VTI1A: variants seen among roughly 807,000 people sequenced by gnomAD.
VTI1A encodes vesicle transport through interaction with t-SNAREs 1A.
A neutral mutation model predicts 34.9 loss-of-function variants in VTI1A; 22 were observed. The observed-to-expected ratio is 0.63, with a 90% confidence interval of 0.45 to 0.90. The LOEUF (loss-of-function observed/expected upper bound fraction) is 0.90. VTI1A is among the 40% of genes least tolerant of loss of function. VTI1A has a pLI of 0.00. For synonymous variants in VTI1A, 87 were observed against 97.3 expected, an observed-to-expected ratio of 0.89 and a Z score of 0.62; for missense variants, 268 against 275.6, an observed-to-expected ratio of 0.97 and a Z score of 0.20.
the VTI1A span, among the ~76,000 whole-genome samples, chr10:112,830,849 A>ATATATATATATATTT: frequency 2.4e-4 from 8 of 33,492 alleles, no homozygotes; most frequent in Admixed American, 1.4e-3. Flanking sequence ...ATATATATAT[A>ATATATATATATATTT]TTTTTTTTTT....
At chr10:112,838,736 C>T in the VTI1A span, among the ~76,000 whole-genome samples, 1 of 152,218 alleles carries the variant, frequency 6.6e-6, no homozygotes, top group Non-Finnish European at 1.5e-5. Context: ...GGGCAGCTCA[C>T]TGCGCTTCCA....
At chr10:112,670,341 A>C (rs1316686301) in intron 7 of VTI1A, among the ~76,000 whole-genome samples, 1 of 152,142 alleles carries the variant, frequency 6.6e-6, no homozygotes, top group Non-Finnish European at 1.5e-5. Flanking sequence ...GTGTAAAAAA[A>C]ATGATGTGGT....
At chr10:112,737,984 G>A in intron 7 of VTI1A, 1 of 736,940 alleles carries the variant, frequency 1.4e-6, no homozygotes. Flanking sequence ...GTCCTCCGAT[G>A]TCCAGAGATC....
chr10:112,616,439 A>G (rs1845516236), intron 5 of VTI1A, among the ~76,000 whole-genome samples: 2 of 152,202 alleles, frequency 1.3e-5, no homozygotes, highest in African/African-American at 2.4e-5. Flanking sequence ...GCTTCCAGAA[A>G]AAAATAAACA....
At chr10:112,778,872 T>G (rs1473678451) in intron 7 of VTI1A, among the ~76,000 whole-genome samples, 1 of 152,150 alleles carries the variant, frequency 6.6e-6, no homozygotes, top group Non-Finnish European at 1.5e-5. Context: ...AAGAAGTTTT[T>G]GACATATCAA....
chr10:112,615,788 T>A (rs1468603061), intron 5 of VTI1A, among the ~76,000 whole-genome samples: 2 of 152,022 alleles, frequency 1.3e-5, no homozygotes, highest in Non-Finnish European at 2.9e-5. Context: ...GAGATGGGAA[T>A]AGCCCACTAA....
chr10:112,680,966 A>G (rs906657818), intron 7 of VTI1A, among the ~76,000 whole-genome samples: 1 of 152,174 alleles, frequency 6.6e-6, no homozygotes, highest in Non-Finnish European at 1.5e-5. Context: ...TGTGTTGAGG[A>G]TACATAGGAA....
At position 112,556,039 on chromosome 10, in the gene VTI1A, TGAAAA is replaced by T. The variant is rs200867370; in HGVS notation, c.427+17711_427+17715del. ...TATTCTGACATGTATATATGAGAAA[TGAAAA>T]GGAAGTTAAATTGGAAACAAGTGGT... On this transcript the variant is annotated intron_variant, in intron 5 of 7. Transcript: ENST00000393077. Among the ~76,000 whole-genome samples the T allele has an allele frequency of 5.1e-3, 779 of 152,152 alleles. 9 individuals carry two copies. The highest frequency in any genetic ancestry group is 0.017 in the African/African-American group (714 of 41,564).
rs538974181 is a variant in VTI1A, at chr10:112,666,018, A to C, written c.428-2200A>C. Among the ~76,000 whole-genome samples the C allele has an allele frequency of 1.4e-4, 21 of 152,348 alleles. No homozygotes were observed. The South Asian group carries it at 4.3e-3, about 32-fold the overall frequency. On this transcript the variant is annotated intron_variant, in intron 5 of 7. Coordinates refer to ENST00000393077, the MANE Select transcript of VTI1A (RefSeq NM_145206.4). ...ATTAAAAGTTTTAAGTGAAAAAATG[A>C]ATTATAATTGCTATATTATGTTGAT...
At chr10:112,633,874 T>C (rs1590001007) in intron 5 of VTI1A, among the ~76,000 whole-genome samples, 2 of 149,382 alleles carry the variant, frequency 1.3e-5, no homozygotes, top group South Asian at 2.1e-4. Context: ...AAAAAAGTCA[T>C]GACTCACTCC....
intron 3 of VTI1A, among the ~76,000 whole-genome samples, chr10:112,518,581 C>CTATA (rs1208931745): frequency 1.8e-4 from 15 of 84,222 alleles, no homozygotes; most frequent in East Asian, 1.2e-3. Flanking sequence ...CTCTCTCTCT[C>CTATA]TCTCTCTCTA....
At chr10:112,684,581 G>C (rs1848336793) in intron 7 of VTI1A, among the ~76,000 whole-genome samples, 1 of 152,020 alleles carries the variant, frequency 6.6e-6, no homozygotes, top group Non-Finnish European at 1.5e-5. Context: ...TGGGATTATA[G>C]GCACGGGCCA....
chr10:112,635,995 A>G (rs1166754530), intron 5 of VTI1A, among the ~76,000 whole-genome samples: 3 of 152,228 alleles, frequency 2.0e-5, no homozygotes, highest in Non-Finnish European at 4.4e-5. Context: ...GTGAATGAGG[A>G]TCTCAAAGGA....
At chr10:112,471,488 T>C (rs966329729) in intron 3 of VTI1A, among the ~76,000 whole-genome samples, 2 of 151,828 alleles carry the variant, frequency 1.3e-5, no homozygotes, top group Admixed American at 6.6e-5. Context: ...AATCACCTTA[T>C]GTTTTAGATG....
chr10:112,846,161 T>C, the VTI1A span, among the ~76,000 whole-genome samples: 2 of 152,334 alleles, frequency 1.3e-5, no homozygotes, highest in East Asian at 3.9e-4. Context: ...TTCCATCCTG[T>C]TCACCATTTA....
At chr10:112,823,293 G>A (rs1346624569), downstream of VTI1A, among the ~76,000 whole-genome samples, 4 of 152,202 alleles carry the variant, frequency 2.6e-5, no homozygotes, top group South Asian at 2.1e-4. Context: ...TGTTTAGATC[G>A]GGGCCGACTT....
At chr10:112,453,615 T>C (rs74158726) in intron 1 of VTI1A, among the ~76,000 whole-genome samples, 47,409 of 152,054 alleles carry the variant, frequency 0.31, 7,688 homozygotes, top group African/African-American at 0.41. Context: ...GGAGCCTTTT[T>C]TTTAATTTGG....
At chr10:112,666,915 T>A (rs1847661217) in intron 5 of VTI1A, among the ~76,000 whole-genome samples, 1 of 152,100 alleles carries the variant, frequency 6.6e-6, no homozygotes, top group South Asian at 2.1e-4. Flanking sequence ...GATATAGTAC[T>A]ATTATTATTA....
chr10:112,540,909 G>C (rs1850841922), intron 5 of VTI1A, among the ~76,000 whole-genome samples: 1 of 152,206 alleles, frequency 6.6e-6, no homozygotes, highest in African/African-American at 2.4e-5. Flanking sequence ...GCACAAAACA[G>C]GGAAATGGCT....
Sources: gnomAD v4.1 joint callset for allele counts (sites outside exome capture counted in the v4.1 genomes callset) on GRCh38, gnomAD v4.1.1 for gene constraint, MANE v1.5 for transcripts, NCBI Gene and HGNC (gene_info 2026-07-23, HGNC 2026-07-21) for gene names.